MRNIP: variants seen among roughly 807,000 people sequenced by gnomAD.
MRNIP encodes MRN complex interacting protein.
In MRNIP, 30 loss-of-function variants were observed where a neutral mutation model predicts 29.8. The ratio of observed to expected loss-of-function variants is 1.01; its 90% confidence interval spans 0.75 to 1.36. The LOEUF is 1.36. MRNIP is among the 40% of genes most tolerant of loss of function. The pLI is 0.00. For missense variants in MRNIP, 459 were observed against 423.5 expected (o/e 1.08, Z -0.74); for synonymous variants, 201 against 164.1 (o/e 1.23, Z -1.72).
rs1331329975 is a variant in MRNIP, at chr5:179,837,459, G to T, written c.964C>A (p.Gln322Lys). Residue 322 changes from glutamine to lysine, a missense_variant, in exon 7 of 7, where the codon CAG becomes AAG. Coordinates refer to ENST00000292586, the MANE Select transcript of MRNIP (RefSeq NM_016175.4). ...CATAGTCGTGTGGGTCGAGGATTCT[G>T]TGCCTCCAGGACCAGGGGCCCACCC... Reference protein sequence around the residue: ...AEGGPLVLEAQNPRPTRLCDL... With the variant: ...AEGGPLVLEAKNPRPTRLCDL... The T allele has an allele frequency of 6.2e-7, 1 of 1,613,088 alleles. No homozygotes were observed. The highest frequency in any genetic ancestry group is 8.5e-7 in the Non-Finnish European group (1 of 1,179,330).
chr5:179,851,085 A>C (rs1226234387), intron 2 of MRNIP: 2 of 391,756 alleles, frequency 5.1e-6, no homozygotes, highest in Admixed American at 5.8e-5. Flanking sequence ...AAGCCACCAC[A>C]ATTTTGGTGT....
In MRNIP at chr5:179,858,739, C is replaced by A. The variant is rs1279911726; in HGVS notation, c.58G>T (p.Ala20Ser). Residue 20 changes from alanine to serine, a missense_variant, in exon 1 of 7, where the codon GCG becomes TCG. Coordinates refer to ENST00000292586, the MANE Select transcript of MRNIP (RefSeq NM_016175.4). ...LRCCSCRLFQ[A>S]HQVKKSVKWT... is the part of the protein sequence containing the mutation. ...GCTGGCACCCGCCAGACCTGGTGCG[C>A]CTGGAAGAGGCGGCAGCTGCAGCAG... 3 of 1,525,190 alleles carry A rather than the reference C, an allele frequency of 2.0e-6. No homozygotes were observed. Among genetic ancestry groups the A allele is most frequent in the Non-Finnish European group, 2.6e-6 (3 of 1,135,522 alleles). 94.5% of individuals were successfully genotyped at this position (1,525,190 alleles called of 1,614,324 possible). A position where few individuals can be genotyped will look rare whatever the true frequency, so the allele number is the denominator to read the frequency against.
rs769698526 is a variant in MRNIP, at chr5:179,858,793, C to T, written c.4G>A (p.Ala2Thr). The change falls in exon 1 of 7, where the codon GCG (alanine) becomes ACG (threonine). Residue 2 changes from alanine (A) to threonine (T), a missense_variant. By Grantham distance (58) the Ala-to-Thr change is moderately conservative (BLOSUM62 0). Coordinates refer to ENST00000292586, the MANE Select transcript of MRNIP (RefSeq NM_016175.4). ...AGCACCCGAGAACGCTGAAGCGACG[C>T]CATCCCTGCTTGTGCAGTCGCCAGG... The part of the protein sequence containing the change: M[A>T]SLQRSRVLRC... 1.3e-6 allele frequency: 2 copies of T among 1,540,892 alleles called. No individual in the cohort carries two copies. Among genetic ancestry groups the T allele is most frequent in the Non-Finnish European group, 1.7e-6 (2 of 1,144,280 alleles).
At chr5:179,841,751 G>T in intron 5 of MRNIP, 156 bp downstream of exon 5, 6 of 765,000 alleles carry the variant, frequency 7.8e-6, no homozygotes, top group Non-Finnish European at 1.1e-5. Flanking sequence ...GGGCTGTGGG[G>T]CCAGCAGTGG....
chr5:179,856,751 G>T (rs765888575), intron 1 of MRNIP, among the ~76,000 whole-genome samples: 69 of 152,304 alleles, frequency 4.5e-4, no homozygotes, highest in Non-Finnish European at 7.8e-4. Flanking sequence ...GAGATTATGG[G>T]CGTGAGCCAC....
At chr5:179,855,514 G>C (rs535281132) in intron 1 of MRNIP, among the ~76,000 whole-genome samples, 26 of 152,262 alleles carry the variant, frequency 1.7e-4, no homozygotes, top group Non-Finnish European at 3.2e-4. Context: ...CAGTGGTTAG[G>C]TACAAAATTA....
rs752364181 is a variant in MRNIP at position 179,840,987 on chromosome 5, C to T, written c.450-28G>A. ...GTCAGGACAGGACCGTCAGTAGTCC[C>T]GTGCTACTCTCCAGTGGCACCCCGA... On this transcript the variant is annotated intron_variant, in intron 5 of 6. Coordinates refer to ENST00000292586, the MANE Select transcript of MRNIP (RefSeq NM_016175.4). The T allele has an allele frequency of 1.4e-5, 22 of 1,519,426 alleles. 1 individual carries two copies. Among genetic ancestry groups the T allele is most frequent in the Middle Eastern group, 4.3e-4 (2 of 4,662 alleles). 94.1% of individuals were successfully genotyped at this position (1,519,426 alleles called of 1,614,324 possible).
chr5:179,852,397 G>A (rs1325645877), intron 2 of MRNIP, among the ~76,000 whole-genome samples: 1 of 152,158 alleles, frequency 6.6e-6, no homozygotes, highest in Non-Finnish European at 1.5e-5. Context: ...AAGCTTCACG[G>A]TAGAGTTGTG....
In MRNIP at chr5:179,837,845, C is replaced by A; in HGVS notation, c.578G>T (p.Ser193Ile). The A allele has an allele frequency of 3.1e-6, 5 of 1,611,158 alleles. No homozygotes were observed. The South Asian group carries it at 3.3e-5, about 11-fold the overall frequency. Residue 193 changes from serine (S) to isoleucine (I), a missense_variant, in exon 7 of 7, where the codon AGC becomes ATC. Coordinates refer to ENST00000292586, the MANE Select transcript of MRNIP (RefSeq NM_016175.4). ...GLTWKVKQGSSPCLQENSADC... is the reference protein window; with the variant it reads ...GLTWKVKQGSIPCLQENSADC... ...TGCAGAGTTCTCCTGGAGGCAGGGGCTGCTGCCTTGTTTCACCTTCCATGT... is the reference window on the plus strand; with the variant it reads ...TGCAGAGTTCTCCTGGAGGCAGGGGATGCTGCCTTGTTTCACCTTCCATGT...
chr5:179,843,865 A>G (rs916059814), intron 4 of MRNIP, among the ~76,000 whole-genome samples: 6 of 152,186 alleles, frequency 3.9e-5, no homozygotes, highest in African/African-American at 1.4e-4. Context: ...CTGTGGGAGC[A>G]AAGTGGAAGC....
intron 1 of MRNIP, among the ~76,000 whole-genome samples, chr5:179,855,404 T>G (rs1318579479): frequency 6.6e-6 from 1 of 152,130 alleles, no homozygotes; most frequent in Admixed American, 6.6e-5. Context: ...GTGCTGGGAT[T>G]AAAGGCATGA....
intron 5 of MRNIP, 139 bp downstream of exon 5, chr5:179,841,768 C>A: frequency 1.1e-6 from 1 of 874,070 alleles, no homozygotes; most frequent in Non-Finnish European, 1.8e-6. Flanking sequence ...GTGGCAGCAG[C>A]TGCCCGATTT....
Position 179,841,942 on chromosome 5 carries a change from T to A in MRNIP, c.414A>T (p.Pro138=). The A allele has an allele frequency of 2.5e-6, 4 of 1,614,150 alleles. No homozygotes were observed. The highest frequency in any genetic ancestry group is 3.4e-6 in the Non-Finnish European group (4 of 1,180,030). Residue 138 remains proline (P), a synonymous_variant, in exon 5 of 7, where the codon CCA becomes CCT. Coordinates refer to ENST00000292586, the MANE Select transcript of MRNIP (RefSeq NM_016175.4). The stretch of plus-strand genomic sequence containing the variant: ...GCAGGTCTTGACTGAAGCGGGGGCC[T>A]GGCTCCTCCATTTTGGATGAAGGCT... ...SKQPSSKMEE[P]GPRFSQDLPR...
Position 179,858,780 on chromosome 5 carries a change from C to G in MRNIP, c.17G>C (p.Arg6Pro), listed in dbSNP as rs1477154951. 7 of 1,541,122 alleles carry G rather than the reference C, an allele frequency of 4.5e-6. No individual in the cohort carries two copies. The East Asian group carries it at 9.9e-5, about 22-fold the overall frequency. The change falls in exon 1 of 7, where the codon CGT becomes CCT. Residue 6 changes from arginine (R) to proline (P), a missense_variant. Arg to Pro is a moderately radical substitution (Grantham distance 103). Transcript: ENST00000292586. MASLQ[R>P]SRVLRCCSCR... ...GCTGCAGCAGCGTAGCACCCGAGAA[C>G]GCTGAAGCGACGCCATCCCTGCTTG...
chr5:179,858,769 G>A lies in MRNIP; in HGVS notation c.28C>T (p.Leu10=), dbSNP rs773943731. 14 of 1,539,738 alleles carry A rather than the reference G, an allele frequency of 9.1e-6. No individual in the cohort carries two copies. The South Asian group carries it at 1.4e-4, about 16-fold the overall frequency. Residue 10 remains leucine (L), a synonymous_variant, in exon 1 of 7, where the codon CTA becomes TTA. Coordinates refer to ENST00000292586, the MANE Select transcript of MRNIP (RefSeq NM_016175.4). ...AAGAGGCGGCAGCTGCAGCAGCGTA[G>A]CACCCGAGAACGCTGAAGCGACGCC... MASLQRSRV[L]RCCSCRLFQA...
chr5:179,857,215 C>A (rs908453517), intron 1 of MRNIP, among the ~76,000 whole-genome samples: 38 of 152,302 alleles, frequency 2.5e-4, no homozygotes, highest in African/African-American at 8.4e-4. Context: ...GTAATCCCAG[C>A]ACTTTCGGAG....
intron 3 of MRNIP, chr5:179,846,047 G>A (rs1759115615): frequency 6.6e-6 from 1 of 152,132 alleles, no homozygotes; most frequent in Non-Finnish European, 1.5e-5. Flanking sequence ...TCCCCTGCTA[G>A]AACCTCCAAA....
At chr5:179,847,025 T>C (rs1383957111) in intron 3 of MRNIP, 1 of 152,184 alleles carries the variant, frequency 6.6e-6, no homozygotes, top group Non-Finnish European at 1.5e-5. Context: ...TTTTGGCTTC[T>C]ACATTTTTTT....
At chr5:179,857,884 T>C (rs1245947252) in intron 1 of MRNIP, among the ~76,000 whole-genome samples, 1 of 151,818 alleles carries the variant, frequency 6.6e-6, no homozygotes, top group Non-Finnish European at 1.5e-5. Flanking sequence ...TGGTGGCGCA[T>C]GCCTGTAATC....
Sources: allele counts gnomAD v4.1 joint callset (sites outside exome capture counted in the v4.1 genomes callset), GRCh38; gene constraint gnomAD v4.1.1; transcripts MANE v1.5; gene names NCBI Gene and HGNC (gene_info 2026-07-23, HGNC 2026-07-21).